MRPS6: variants seen among roughly 807,000 people sequenced by gnomAD.
MRPS6 encodes mitochondrial ribosomal protein S6, also known as small ribosomal subunit protein bS6m.
Under a neutral mutation model 13.1 loss-of-function variants are expected in MRPS6, and 6 were observed. The observed-to-expected ratio is 0.46, with a 90% CI of 0.25 to 0.91. MRPS6 has a LOEUF of 0.91. Among genes scored for constraint, MRPS6 ranks in the 40% least tolerant of loss-of-function variants. MRPS6 has a pLI of 0.18. For synonymous variants in MRPS6, 61 were observed against 56.5 expected, an observed-to-expected ratio of 1.08 and a Z score of -0.36; for missense variants, 164 against 155.6, an observed-to-expected ratio of 1.05 and a Z score of -0.29.
intron 1 of MRPS6, chr21:34,097,900 G>A (rs573355388): frequency 1.3e-5 from 13 of 996,658 alleles, no homozygotes; most frequent in South Asian, 4.7e-5. Context: ...ATGAGCCTAC[G>A]GATTCTGATT....
intron 1 of MRPS6, among the ~76,000 whole-genome samples, chr21:34,087,325 A>G (rs73899953): frequency 0.085 from 12,997 of 152,096 alleles, 1,845 homozygotes; most frequent in African/African-American, 0.3. Context: ...TGATGGTAAT[A>G]TAGGATATTG....
In MRPS6 at chr21:34,100,394, TTTC is replaced by T. The variant is rs1979179846; in HGVS notation, c.46-24940_46-24938del. Reference sequence around the variant, plus strand: ...CCCAGAGAGTAAACACTTGAGCCGATTTCTTCTTCCCCAGCTATTCTTTCCTGG... The same window carrying T: ...CCCAGAGAGTAAACACTTGAGCCGATTTCTTCCCCAGCTATTCTTTCCTGG... On this transcript the variant is annotated intron_variant, in intron 1 of 2. Coordinates refer to ENST00000399312, the MANE Select transcript of MRPS6 (RefSeq NM_032476.4). 1.1e-5 allele frequency: 11 copies of T among 1,000,262 alleles called. No homozygotes were observed. The South Asian group carries it at 5.2e-4, about 47-fold the overall frequency. 62.0% of individuals were successfully genotyped at this position (1,000,262 alleles called of 1,614,324 possible).
chr21:34,112,855 A>G (rs2148665219), intron 1 of MRPS6, among the ~76,000 whole-genome samples: 1 of 152,178 alleles, frequency 6.6e-6, no homozygotes, highest in South Asian at 2.1e-4. Flanking sequence ...AATTCAGAGA[A>G]ACACAAAACC....
intron 1 of MRPS6, among the ~76,000 whole-genome samples, chr21:34,108,226 C>G (rs1234311044): frequency 6.6e-6 from 1 of 152,206 alleles, no homozygotes; most frequent in Non-Finnish European, 1.5e-5. Context: ...CAACTTCAGT[C>G]TTGCCAGCTC....
Position 34,131,252 on chromosome 21 carries a change from G to A in MRPS6, c.185+5772G>A, listed in dbSNP as rs886465405. 1.3e-4 allele frequency among the ~76,000 whole-genome samples: 20 copies of A among 152,196 alleles called. 1 individual carries two copies. Among genetic ancestry groups the A allele is most frequent in the South Asian group, 4.1e-4 (2 of 4,832 alleles). On this transcript the variant is annotated intron_variant, in intron 2 of 2. Transcript: ENST00000399312. ...TTGTGCCTTGAGTGAGGAGTTGATC[G>A]TGAGTCCACGTGCGTTAGGACTTCT...
intron 2 of MRPS6, among the ~76,000 whole-genome samples, chr21:34,139,096 A>G (rs187579340): frequency 2.8e-4 from 42 of 150,420 alleles, no homozygotes; most frequent in Non-Finnish European, 5.2e-4. Context: ...ACAAAAAACC[A>G]AACACCGCAT....
chr21:34,103,697 A>G (rs1007954062), intron 1 of MRPS6: 3 of 1,000,148 alleles, frequency 3.0e-6, no homozygotes, highest in Non-Finnish European at 3.6e-6. Flanking sequence ...TGCTATGAGC[A>G]CTACAGTATT....
intron 2 of MRPS6, chr21:34,135,734 CG>C: frequency 2.3e-6 from 1 of 429,984 alleles, no homozygotes; most frequent in Non-Finnish European, 4.7e-6. Context: ...TGAGGGTTCT[CG>C]CCTGTGAGCA....
chr21:34,080,658 C>T (rs1186284089), intron 1 of MRPS6, among the ~76,000 whole-genome samples: 3 of 152,196 alleles, frequency 2.0e-5, no homozygotes, highest in Non-Finnish European at 4.4e-5. Flanking sequence ...TCACATGGAT[C>T]ACTTTCTACT....
At chr21:34,132,943 A>G (rs1176607586) in intron 2 of MRPS6, among the ~76,000 whole-genome samples, 1 of 152,142 alleles carries the variant, frequency 6.6e-6, no homozygotes, top group Non-Finnish European at 1.5e-5. Flanking sequence ...CTCTCTTCTT[A>G]ACTACATTAA....
chr21:34,127,084 G>T (rs1240662053), intron 2 of MRPS6, among the ~76,000 whole-genome samples: 6 of 152,206 alleles, frequency 3.9e-5, no homozygotes, highest in Non-Finnish European at 8.8e-5. Context: ...TGGCAAAGGT[G>T]CATGTGCCTC....
chr21:34,073,606 C>T lies in MRPS6; in HGVS notation c.-95C>T, dbSNP rs1467398354. ...TTCGCCGCCTGGGAGCCGTCCGGCG[C>T]AGCAGTTTCTAGGTCCCCACTGTCC... On this transcript the variant is annotated 5_prime_UTR_variant, in exon 1 of 3. Transcript: ENST00000399312. The T allele has an allele frequency of 6.9e-5, 77 of 1,110,308 alleles. 1 individual carries two copies. In the Admixed American group the frequency reaches 1.6e-3, roughly 23 times the overall value. The allele number at this position is 1,110,308 out of a possible 1,614,324, so 68.8% of individuals were successfully genotyped here. A position where few individuals can be genotyped will look rare whatever the true frequency, so the allele number is the denominator to read the frequency against.
chr21:34,074,178 TC>T (rs1278220823), intron 1 of MRPS6, among the ~76,000 whole-genome samples: 1 of 149,458 alleles, frequency 6.7e-6, no homozygotes, highest in Non-Finnish European at 1.5e-5. Flanking sequence ...CGCCGCCTGG[TC>T]CGTCCCGCTC....
At chr21:34,129,955 G>T (rs1366510335) in intron 2 of MRPS6, among the ~76,000 whole-genome samples, 4 of 152,230 alleles carry the variant, frequency 2.6e-5, no homozygotes, top group Non-Finnish European at 4.4e-5. Context: ...CATGCAGAGG[G>T]TACCTCAGTT....
At chr21:34,081,534 A>G (rs1362235039) in intron 1 of MRPS6, among the ~76,000 whole-genome samples, 1 of 152,228 alleles carries the variant, frequency 6.6e-6, no homozygotes, top group Non-Finnish European at 1.5e-5. Flanking sequence ...ATGTGTTACC[A>G]TAGAATAAAC....
intron 1 of MRPS6, among the ~76,000 whole-genome samples, chr21:34,076,709 A>C (rs1041146037): frequency 1.3e-5 from 2 of 152,234 alleles, no homozygotes; most frequent in Non-Finnish European, 2.9e-5. Flanking sequence ...TAAATTCTGA[A>C]ATATGACGGT....
chr21:34,138,882 G>A (rs1406951465), intron 2 of MRPS6, among the ~76,000 whole-genome samples: 1 of 151,994 alleles, frequency 6.6e-6, no homozygotes, highest in Admixed American at 6.6e-5. Flanking sequence ...AAAGACACAT[G>A]CATACATATG....
At chr21:34,105,063 T>C in intron 1 of MRPS6, 1 of 1,000,090 alleles carries the variant, frequency 1.0e-6, no homozygotes, top group South Asian at 4.7e-5. Flanking sequence ...GACTTTTCTG[T>C]GGGGTTATTA....
In MRPS6 at chr21:34,142,519, C is replaced by T. The variant is rs1980940871; in HGVS notation, c.297C>T (p.Thr99=). ...IRGNIVKHPL[T]QELKECEGIV... is the part of the protein sequence containing the mutation. ...GGAATATTGTCAAACACCCTCTGAC[C>T]CAGGAACTAAAAGAATGTGAAGGGA... The change falls in exon 3 of 3, where the codon ACC becomes ACT. Residue 99 remains threonine (T), a synonymous_variant. Transcript: ENST00000399312. The T allele has an allele frequency of 1.2e-6, 2 of 1,613,006 alleles. No individual in the cohort carries two copies. The highest frequency in any genetic ancestry group is 1.7e-6 in the Non-Finnish European group (2 of 1,179,552).
Sources: gnomAD v4.1 joint callset for allele counts (sites outside exome capture counted in the v4.1 genomes callset) on GRCh38, gnomAD v4.1.1 for gene constraint, MANE v1.5 for transcripts, NCBI Gene and HGNC (gene_info 2026-07-23, HGNC 2026-07-21) for gene names.